Variants in SYN3 observed in about 807,000 individuals in gnomAD.
SYN3 encodes the protein synapsin-3.
SYN3 carries 35 observed loss-of-function variants against 65.8 expected under a neutral mutation model. That is an observed-to-expected ratio of 0.53 (90% CI 0.41 to 0.70). The LOEUF is 0.70. SYN3 is among the 30% of genes least tolerant of loss of function. SYN3 has a pLI of 0.00. For synonymous variants in SYN3, 270 were observed against 292.9 expected (o/e 0.92, Z 0.80); for missense variants, 680 against 749.0 (o/e 0.91, Z 1.08).
At chr22:32,917,588 G>T (rs141113177) in intron 4 of SYN3, among the ~76,000 whole-genome samples, 16 of 152,320 alleles carry the variant, frequency 1.1e-4, no homozygotes, top group African/African-American at 3.6e-4. Context: ...GGTGGAGTGG[G>T]ACCCAGAGCT....
At chr22:32,523,495 A>G (rs1393696203) in intron 12 of SYN3, among the ~76,000 whole-genome samples, 1 of 152,224 alleles carries the variant, frequency 6.6e-6, no homozygotes, top group Non-Finnish European at 1.5e-5. Flanking sequence ...CCTGGGCAAA[A>G]GAGCTAGACT....
At chr22:32,967,058 G>A (rs998431477) in intron 3 of SYN3, among the ~76,000 whole-genome samples, 1 of 152,214 alleles carries the variant, frequency 6.6e-6, no homozygotes, top group East Asian at 1.9e-4. Context: ...GGAACTCATA[G>A]TACCTGTTCA....
At chr22:33,041,450 A>G (rs776350186) in intron 1 of SYN3, among the ~76,000 whole-genome samples, 9 of 151,746 alleles carry the variant, frequency 5.9e-5, no homozygotes, top group Non-Finnish European at 8.8e-5. Context: ...GCCCGCCACC[A>G]CACCCAGCTA....
chr22:32,758,235 A>G (rs2045352294), intron 6 of SYN3, among the ~76,000 whole-genome samples: 1 of 152,008 alleles, frequency 6.6e-6, no homozygotes, highest in African/African-American at 2.4e-5. Flanking sequence ...TGACCTTATT[A>G]TTGTCTTTAT....
chr22:33,008,962 A>AAAAAAAAAAAAAAAAG (rs1569401605), intron 1 of SYN3, among the ~76,000 whole-genome samples: 1 of 99,498 alleles, frequency 1.0e-5, no homozygotes, highest in Non-Finnish European at 2.1e-5. Flanking sequence ...AAAAAAAAAA[A>AAAAAAAAAAAAAAAAG]AGAGAGAGAG....
intron 4 of SYN3, among the ~76,000 whole-genome samples, chr22:32,930,692 T>C (rs529311196): frequency 1.3e-5 from 2 of 152,300 alleles, no homozygotes; most frequent in East Asian, 3.9e-4. Context: ...CTGAATCCTG[T>C]CTCTTCCTTC....
chr22:32,780,132 G>A (rs1197690813), intron 6 of SYN3, among the ~76,000 whole-genome samples: 3 of 149,050 alleles, frequency 2.0e-5, no homozygotes, highest in Non-Finnish European at 4.4e-5. Flanking sequence ...GACTGAGCCC[G>A]AAGCCTTCTG....
chr22:32,664,347 C>T (rs1209044508), intron 6 of SYN3, among the ~76,000 whole-genome samples: 1 of 152,192 alleles, frequency 6.6e-6, no homozygotes, highest in South Asian at 2.1e-4. Flanking sequence ...GGAGACTTGG[C>T]CAGCACTTGG....
At position 32,508,674 on chromosome 22, in the gene SYN3, A is replaced by G. The variant is rs2057658878; in HGVS notation, c.*5018T>C. Among the ~76,000 whole-genome samples, 1 of 152,144 alleles carries G rather than the reference A, an allele frequency of 6.6e-6. No individual in the cohort carries two copies. The highest frequency in any genetic ancestry group is 2.4e-5 in the African/African-American group (1 of 41,406). ...GTTTGTTTGATTCTGTTCCTGGGCA[A>G]GTGACTTCCATATATTGATACTCTT... On this transcript the variant is annotated 3_prime_UTR_variant, in exon 14 of 14. Transcript: ENST00000358763.
At chr22:32,619,377 A>C (rs2146736649) in intron 6 of SYN3, among the ~76,000 whole-genome samples, 1 of 152,358 alleles carries the variant, frequency 6.6e-6, no homozygotes, top group African/African-American at 2.4e-5. Flanking sequence ...AAATGTACAT[A>C]GGAGTTCCAC....
chr22:33,009,630 T>C (rs1170217005), intron 1 of SYN3, among the ~76,000 whole-genome samples: 1 of 151,944 alleles, frequency 6.6e-6, no homozygotes. Context: ...AAAAAGTGAA[T>C]TGTTTATTTG....
chr22:32,617,713 A>G (rs2059539926), intron 6 of SYN3, among the ~76,000 whole-genome samples: 1 of 152,076 alleles, frequency 6.6e-6, no homozygotes. Context: ...GAATGACACC[A>G]TTAGATTCTC....
At chr22:32,973,780 G>A (rs531286282) in intron 3 of SYN3, among the ~76,000 whole-genome samples, 1 of 152,116 alleles carries the variant, frequency 6.6e-6, no homozygotes, top group Non-Finnish European at 1.5e-5. Context: ...TGCTAAAAGG[G>A]ACAAAGTACC....
intron 1 of SYN3, among the ~76,000 whole-genome samples, chr22:33,031,087 C>A (rs192533671): frequency 2.6e-5 from 4 of 152,354 alleles, no homozygotes; most frequent in African/African-American, 9.6e-5. Flanking sequence ...AGTCTTACCA[C>A]CTTCAGTTGC....
chr22:32,569,857 C>T (rs536777272), intron 7 of SYN3, among the ~76,000 whole-genome samples: 213 of 152,226 alleles, frequency 1.4e-3, no homozygotes, highest in African/African-American at 4.9e-3. Flanking sequence ...TGAACAGTGC[C>T]AGGCACAAAG....
chr22:32,981,001 C>G (rs1295220221), intron 2 of SYN3, among the ~76,000 whole-genome samples: 1 of 151,740 alleles, frequency 6.6e-6, no homozygotes, highest in Non-Finnish European at 1.5e-5. Context: ...ATTACAGGTG[C>G]CTGCCATCAC....
chr22:32,524,072 A>G (rs1182415186), intron 12 of SYN3, among the ~76,000 whole-genome samples: 1 of 152,250 alleles, frequency 6.6e-6, no homozygotes, highest in Non-Finnish European at 1.5e-5. Context: ...AAAAGTTGGA[A>G]GCTAGCAGAG....
chr22:32,519,975 C>T (rs1045510164), intron 12 of SYN3, among the ~76,000 whole-genome samples: 1 of 152,120 alleles, frequency 6.6e-6, no homozygotes, highest in Non-Finnish European at 1.5e-5. Flanking sequence ...GTGGGTTAGG[C>T]ATTATTTTCA....
intron 4 of SYN3, among the ~76,000 whole-genome samples, chr22:32,913,726 G>A (rs1489339440): frequency 6.6e-6 from 1 of 152,138 alleles, no homozygotes; most frequent in Non-Finnish European, 1.5e-5. Context: ...TCATGCTGCC[G>A]GAGTGGGGAA....
Sources: allele counts gnomAD v4.1 joint callset (sites outside exome capture counted in the v4.1 genomes callset), GRCh38; gene constraint gnomAD v4.1.1; transcripts MANE v1.5; gene names NCBI Gene and HGNC (gene_info 2026-07-23, HGNC 2026-07-21).